IL1RAPL1: variants seen among roughly 807,000 people sequenced by gnomAD.
IL1RAPL1 encodes the protein interleukin-1 receptor accessory protein-like 1.
A neutral mutation model predicts 48.4 loss-of-function variants in IL1RAPL1; 3 were observed. The ratio of observed to expected loss-of-function variants is 0.06; its 90% confidence interval spans 0.03 to 0.16. The LOEUF (loss-of-function observed/expected upper bound fraction) is 0.16. IL1RAPL1 is among the 10% of genes least tolerant of loss of function. The pLI, the probability that IL1RAPL1 is intolerant of heterozygous loss-of-function variation, is 1.00. For missense variants in IL1RAPL1, 349 were observed against 530.6 expected (o/e 0.66, Z 3.36); for synonymous variants, 185 against 187.7 (o/e 0.99, Z 0.12).
chrX:29,559,554 G>A (rs1922117747), intron 5 of IL1RAPL1, among the ~76,000 whole-genome samples: 1 of 111,411 alleles, frequency 9.0e-6, no homozygotes, highest in African/African-American at 3.3e-5. Context: ...ATTCAGTCTT[G>A]GTAGGCTATA....
chrX:29,163,561 CAG>C, intron 2 of IL1RAPL1, among the ~76,000 whole-genome samples: 1 of 111,173 alleles, frequency 9.0e-6, no homozygotes, highest in Non-Finnish European at 1.9e-5. Flanking sequence ...AGACTGGAGG[CAG>C]AGAGATAAGT....
intron 3 of IL1RAPL1, among the ~76,000 whole-genome samples, chrX:29,375,184 G>T (rs1602202357): frequency 2.7e-5 from 2 of 73,299 alleles, no homozygotes. Flanking sequence ...TTTTTGAGAT[G>T]GAGTCTCACT....
At chrX:28,701,617 G>A (rs775846871) in intron 1 of IL1RAPL1, among the ~76,000 whole-genome samples, 2 of 111,853 alleles carry the variant, frequency 1.8e-5, no homozygotes, top group South Asian at 7.4e-4. Flanking sequence ...AATAAAATGT[G>A]TAAATCTAAA....
At chrX:29,283,667 G>C (rs890522644) in intron 3 of IL1RAPL1, among the ~76,000 whole-genome samples, 70 of 112,075 alleles carry the variant, frequency 6.2e-4, no homozygotes, top group African/African-American at 2.1e-3. Context: ...CACAGGGAGA[G>C]GAAGAGAGAA....
At chrX:29,333,481 C>T (rs1932916195) in intron 3 of IL1RAPL1, among the ~76,000 whole-genome samples, 5 of 79,270 alleles carry the variant, frequency 6.3e-5, no homozygotes, top group Non-Finnish European at 9.9e-5. Context: ...TAGGGGCGGC[C>T]GGGCAGAGGC....
At chrX:29,458,068 A>C (rs145102376) in intron 5 of IL1RAPL1, among the ~76,000 whole-genome samples, 1,880 of 112,298 alleles carry the variant, frequency 0.017, 46 homozygotes, top group African/African-American at 0.057. Context: ...GGCGTGAGCC[A>C]CTGTGACTGG....
chrX:29,223,918 A>T (rs915123617), intron 2 of IL1RAPL1, among the ~76,000 whole-genome samples: 1 of 111,540 alleles, frequency 9.0e-6, no homozygotes, highest in South Asian at 3.8e-4. Flanking sequence ...TTGTGCATAT[A>T]TAAACATTCC....
At chrX:29,133,348 G>GTGT (rs1929061152) in intron 2 of IL1RAPL1, among the ~76,000 whole-genome samples, 1 of 112,276 alleles carries the variant, frequency 8.9e-6, no homozygotes, top group African/African-American at 3.2e-5. Flanking sequence ...CTTGTACATA[G>GTGT]TGTTGCTTTC....
chrX:28,674,168 G>A (rs866363137), intron 1 of IL1RAPL1, among the ~76,000 whole-genome samples: 3 of 111,092 alleles, frequency 2.7e-5, no homozygotes, highest in Middle Eastern at 4.7e-3. Flanking sequence ...TAGCTTAATA[G>A]TCAGCTTATA....
chrX:28,598,930 G>A (rs1336655181), intron 1 of IL1RAPL1, among the ~76,000 whole-genome samples: 1 of 106,916 alleles, frequency 9.4e-6, no homozygotes, highest in African/African-American at 3.4e-5. Flanking sequence ...ACCCAGCCGA[G>A]AAATTTGTAC....
intron 3 of IL1RAPL1, among the ~76,000 whole-genome samples, chrX:29,324,802 C>A (rs2147628681): frequency 9.0e-6 from 1 of 111,258 alleles, no homozygotes; most frequent in South Asian, 3.8e-4. Context: ...CTGAGGACTT[C>A]ACTTTGGGGT....
At chrX:29,883,070 T>G in intron 6 of IL1RAPL1, among the ~76,000 whole-genome samples, 1 of 111,752 alleles carries the variant, frequency 8.9e-6, no homozygotes, top group Middle Eastern at 4.6e-3. Context: ...GGTCACACAT[T>G]TATTCATTCT....
chrX:29,371,948 T>C (rs1053789675), intron 3 of IL1RAPL1, among the ~76,000 whole-genome samples: 1 of 112,201 alleles, frequency 8.9e-6, no homozygotes, highest in Admixed American at 9.4e-5. Context: ...TTCCTCTGGG[T>C]ATATACCAAA....
chrX:28,627,186 A>G (rs1198540726), intron 1 of IL1RAPL1, among the ~76,000 whole-genome samples: 1 of 112,239 alleles, frequency 8.9e-6, no homozygotes, highest in Non-Finnish European at 1.9e-5. Context: ...TTGAGAAAAC[A>G]GGTAAGGAAA....
intron 5 of IL1RAPL1, among the ~76,000 whole-genome samples, chrX:29,610,705 G>A (rs756358829): frequency 3.0e-4 from 34 of 112,591 alleles, no homozygotes; most frequent in Non-Finnish European, 5.6e-4. Flanking sequence ...GGTGTGACTC[G>A]TTTGTTAGTT....
rs561517117 is a variant in IL1RAPL1 at position 29,243,137 on chromosome X, A to G, written c.83-39801A>G. 8.9e-5 allele frequency among the ~76,000 whole-genome samples: 10 copies of G among 112,365 alleles called. No homozygotes were observed. The South Asian group carries it at 3.3e-3, about 37-fold the overall frequency. ...GAGTTCATCTCCAGTCTTTCTGTTT[A>G]GGCTTTGCCCACCAGTGAAATTTAA... On this transcript the variant is annotated intron_variant, in intron 2 of 10. Transcript: ENST00000378993.
chrX:29,130,310 TTG>T (rs1383952914), intron 2 of IL1RAPL1, among the ~76,000 whole-genome samples: 1 of 112,394 alleles, frequency 8.9e-6, no homozygotes, highest in African/African-American at 3.2e-5. Flanking sequence ...TCATTTATAA[TTG>T]TGAGAGTAAA....
At chrX:29,417,454 T>C (rs938411561) in intron 5 of IL1RAPL1, among the ~76,000 whole-genome samples, 1 of 111,848 alleles carries the variant, frequency 8.9e-6, no homozygotes, top group Non-Finnish European at 1.9e-5. Flanking sequence ...AATATGAATA[T>C]GCAAATTAAA....
At chrX:29,632,209 C>T (rs983478886) in intron 5 of IL1RAPL1, among the ~76,000 whole-genome samples, 12 of 108,449 alleles carry the variant, frequency 1.1e-4, no homozygotes, top group Non-Finnish European at 2.3e-4. Context: ...AGTGCAGTGG[C>T]ATGATCTCTG....
Sources: gnomAD v4.1 joint callset for allele counts (sites outside exome capture counted in the v4.1 genomes callset) on GRCh38, gnomAD v4.1.1 for gene constraint, MANE v1.5 for transcripts, NCBI Gene and HGNC (gene_info 2026-07-23, HGNC 2026-07-21) for gene names.